ZFP64: variants seen among roughly 807,000 people sequenced by gnomAD.
ZFP64 encodes the protein ZFP64 zinc finger protein, also known as zinc finger protein 64.
In ZFP64, 14 loss-of-function variants were observed where a neutral mutation model predicts 51.6. That is an observed-to-expected ratio of 0.27 (90% CI 0.18 to 0.42). ZFP64 has a LOEUF of 0.42. ZFP64 is among the 10% of genes least tolerant of loss of function. The probability of loss-of-function intolerance (pLI) is 1.00; values close to 1 mark genes in which losing one functional copy is unlikely to be tolerated. For synonymous variants in ZFP64, 375 were observed against 361.4 expected (o/e 1.04, Z -0.43); for missense variants, 754 against 906.8 (o/e 0.83, Z 2.16).
At chr20:52,187,719 A>T (rs1387529661) in intron 1 of ZFP64, among the ~76,000 whole-genome samples, 1 of 152,154 alleles carries the variant, frequency 6.6e-6, no homozygotes, top group Non-Finnish European at 1.5e-5. Flanking sequence ...AACTTGGGGA[A>T]AATTGGAAAT....
chr20:52,111,354 T>G (rs573680723), intron 5 of ZFP64, among the ~76,000 whole-genome samples: 1 of 151,876 alleles, frequency 6.6e-6, no homozygotes, highest in African/African-American at 2.4e-5. Flanking sequence ...GTAGCTGGGA[T>G]TATAAGTATG....
chr20:52,177,601 A>T (rs1180539232), intron 2 of ZFP64, among the ~76,000 whole-genome samples: 1 of 149,186 alleles, frequency 6.7e-6, no homozygotes, highest in East Asian at 2.0e-4. Flanking sequence ...GGCAAAGGAT[A>T]AAAGCCCACC....
rs1980364952 is a variant in ZFP64, at chr20:52,143,261, A to G, written c.763+16862T>C. ...TCCGAAACATGCCTGTACTTGAAAAATAGGAAACATACCTTTATATAACCC... is the reference window on the plus strand; with the variant it reads ...TCCGAAACATGCCTGTACTTGAAAAGTAGGAAACATACCTTTATATAACCC... On this transcript the variant is annotated intron_variant, in intron 5 of 8. Coordinates refer to the ZFP64 transcript ENST00000361387. Among the ~76,000 whole-genome samples the G allele has an allele frequency of 1.4e-5, 2 of 142,642 alleles. 1 individual carries two copies. Among genetic ancestry groups the G allele is most frequent in the Admixed American group, 1.5e-4 (2 of 13,706 alleles). 93.6% of individuals were successfully genotyped at this position (142,642 alleles called of 152,430 possible).
intron 5 of ZFP64, among the ~76,000 whole-genome samples, chr20:52,155,570 C>A (rs1481544614): frequency 6.6e-6 from 1 of 152,078 alleles, no homozygotes; most frequent in Non-Finnish European, 1.5e-5. Context: ...ATCCAGAAAA[C>A]CAAATCTCGC....
At position 52,151,906 on chromosome 20, in the gene ZFP64, G is replaced by T; in HGVS notation, c.*240C>A. ...ACAAAAATTAGCCAGTCATGATGTC[G>T]TACACCTGTGGTCCCAGCTACTCGG... On this transcript the variant is annotated 3_prime_UTR_variant, in exon 6 of 6. Transcript: ENST00000216923. The T allele has an allele frequency of 4.8e-6, 5 of 1,045,396 alleles. No individual in the cohort carries two copies. Among genetic ancestry groups the T allele is most frequent in the Non-Finnish European group, 6.4e-6 (5 of 778,732 alleles). The allele number at this position is 1,045,396 out of a possible 1,614,324, so 64.8% of individuals were successfully genotyped here.
In ZFP64 at chr20:52,117,489, G is replaced by A. The variant is rs544320676; in HGVS notation, c.764-18902C>T. On this transcript the variant is annotated intron_variant, in intron 5 of 8. Transcript: ENST00000361387. ...AAAAAATCAGCTAGGCATGGTGGTG[G>A]GCACCTGTAATCCCAGCTACTCGGG... Among the ~76,000 whole-genome samples, 299 of 152,080 alleles carry A rather than the reference G, an allele frequency of 2.0e-3. 1 individual carries two copies. Among genetic ancestry groups the A allele is most frequent in the African/African-American group, 6.8e-3 (284 of 41,506 alleles).
intron 5 of ZFP64, among the ~76,000 whole-genome samples, chr20:52,139,610 C>T (rs1343710645): frequency 6.6e-6 from 1 of 151,906 alleles, no homozygotes; most frequent in African/African-American, 2.4e-5. Flanking sequence ...ATGCAATTTA[C>T]CCAGGTAAAA....
At chr20:52,120,571 G>A (rs960177946) in intron 5 of ZFP64, among the ~76,000 whole-genome samples, 2 of 147,898 alleles carry the variant, frequency 1.4e-5, no homozygotes, top group African/African-American at 5.3e-5. Flanking sequence ...TTTTCCAATG[G>A]CATGTGCTCA....
intron 1 of ZFP64, among the ~76,000 whole-genome samples, chr20:52,189,118 A>G (rs1399110945): frequency 6.6e-6 from 1 of 152,226 alleles, no homozygotes; most frequent in Non-Finnish European, 1.5e-5. Flanking sequence ...TTTACACTTA[A>G]AAGTTGCGTA....
At chr20:52,169,005 A>G (rs570070811) in intron 2 of ZFP64, among the ~76,000 whole-genome samples, 1 of 152,300 alleles carries the variant, frequency 6.6e-6, no homozygotes, top group South Asian at 2.1e-4. Context: ...TCGTTGTTTC[A>G]GATATGTTAA....
intron 5 of ZFP64, among the ~76,000 whole-genome samples, chr20:52,138,796 A>C (rs543931922): frequency 6.6e-6 from 1 of 152,340 alleles, no homozygotes; most frequent in East Asian, 1.9e-4. Context: ...TAATTCATAA[A>C]AATTTAAACT....
chr20:52,146,102 A>T (rs1244184068), intron 5 of ZFP64, among the ~76,000 whole-genome samples: 2 of 152,038 alleles, frequency 1.3e-5, no homozygotes, highest in East Asian at 1.9e-4. Flanking sequence ...CTAAGACACA[A>T]ACATGCGCAT....
At position 52,160,496 on chromosome 20, in the gene ZFP64, A is replaced by G. The variant is rs2123000629; in HGVS notation, c.512-122T>C. The G allele has an allele frequency of 7.5e-7, 1 of 1,336,314 alleles. No homozygotes were observed. Among genetic ancestry groups the G allele is most frequent in the Non-Finnish European group, 1.0e-6 (1 of 997,434 alleles). The allele number at this position is 1,336,314 out of a possible 1,614,324, so 82.8% of individuals were successfully genotyped here. ...CACCGAAGAATATTCCAAAAACCCT[A>G]AAACACTGGGTGGATGATTGGCAAA... On this transcript the variant is annotated intron_variant, in intron 4 of 5. Coordinates refer to ENST00000216923, the MANE Select transcript of ZFP64 (RefSeq NM_018197.3). The surrounding 1 kb of genome is among the most constrained non-coding windows in gnomAD (Gnocchi z 4.2).
intron 5 of ZFP64, among the ~76,000 whole-genome samples, chr20:52,126,261 C>A (rs1600730548): frequency 6.6e-6 from 1 of 152,126 alleles, no homozygotes. Flanking sequence ...CTTTTACTAT[C>A]CCCATTATAG....
chr20:52,160,442 AC>A lies in ZFP64; in HGVS notation c.512-69del. On this transcript the variant is annotated intron_variant, in intron 4 of 5. Transcript: ENST00000216923. This position sits in a 1 kb window ranked among gnomAD's most constrained non-coding sequence, Gnocchi z 4.2. ...TAAAAAAGGAAAAGGCTTATTTCCC[AC>A]TGCCTTACGAAAAAAGTCATATACA... The A allele has an allele frequency of 6.6e-7, 1 of 1,524,752 alleles. No individual in the cohort carries two copies. The highest frequency in any genetic ancestry group is 8.8e-7 in the Non-Finnish European group (1 of 1,140,790). The allele number at this position is 1,524,752 out of a possible 1,614,324, so 94.5% of individuals were successfully genotyped here.
At chr20:52,183,097 C>T (rs1207475319) in intron 2 of ZFP64, among the ~76,000 whole-genome samples, 4 of 152,070 alleles carry the variant, frequency 2.6e-5, no homozygotes, top group East Asian at 1.9e-4. Flanking sequence ...AAATGTGGCT[C>T]ATTCCAGAAA....
Position 52,186,998 on chromosome 20 carries a change from A to G in ZFP64, c.120T>C (p.Phe40=). 6.2e-7 allele frequency: 1 copy of G among 1,614,052 alleles called. No homozygotes were observed. The highest frequency in any genetic ancestry group is 8.5e-7 in the Non-Finnish European group (1 of 1,179,912). ...GAGCTACAAAGGCATCCAGGTTGTT[A>G]AACTGCTGCTTGCAGATGCCGCAGA... ...IHICGICKQQ[F]NNLDAFVAHK... is the part of the protein sequence containing the mutation. The change falls in exon 2 of 6, where the codon TTT becomes TTC. Residue 40 remains phenylalanine, a synonymous_variant. Coordinates refer to ENST00000216923, the MANE Select transcript of ZFP64 (RefSeq NM_018197.3).
chr20:52,122,666 G>A (rs1021341405), intron 5 of ZFP64, among the ~76,000 whole-genome samples: 1 of 152,164 alleles, frequency 6.6e-6, no homozygotes, highest in African/African-American at 2.4e-5. Context: ...GGAGGCCATC[G>A]ACATGAACAG....
chr20:52,149,755 GTGTA>G (rs936023465), downstream of ZFP64, among the ~76,000 whole-genome samples: 5 of 152,074 alleles, frequency 3.3e-5, no homozygotes, highest in Non-Finnish European at 5.9e-5. Context: ...ATGCATGCAT[GTGTA>G]TGTATGTATG....
Sources: allele counts gnomAD v4.1 joint callset (sites outside exome capture counted in the v4.1 genomes callset), GRCh38; gene constraint gnomAD v4.1.1; non-coding constraint Gnocchi (gnomAD v3.1); transcripts MANE v1.5; gene names NCBI Gene and HGNC (gene_info 2026-07-23, HGNC 2026-07-21).